The following KCNH3 variants were observed in gnomAD, a reference collection of about 807,000 sequenced individuals.
KCNH3 encodes the protein potassium voltage-gated channel subfamily H member 3.
In KCNH3, 36 loss-of-function variants were observed where a neutral mutation model predicts 95.6. The ratio of observed to expected loss-of-function variants is 0.38; its 90% CI spans 0.29 to 0.50. The LOEUF is 0.50. Ranked by LOEUF, KCNH3 falls within the 20% of genes least tolerant of loss-of-function variation. KCNH3 has a pLI of 0.95. For synonymous variants in KCNH3, 620 were observed against 646.3 expected (o/e 0.96, Z 0.62); for missense variants, 1,030 against 1,484.1 (o/e 0.69, Z 5.03).
rs1223735744 is a variant in KCNH3, at chr12:49,558,288, AT to A, written c.*336del. On this transcript the variant is annotated 3_prime_UTR_variant, in exon 15 of 15. Coordinates refer to ENST00000257981, the MANE Select transcript of KCNH3 (RefSeq NM_012284.3). ...CAAATTTTTATATTAAAAAAAAAAA[AT>A]AAAATAAACTACTTTGGAACCTGGT... 1.3e-5 allele frequency: 5 copies of A among 393,312 alleles called. No homozygotes were observed. Among genetic ancestry groups the A allele is most frequent in the African/African-American group, 4.1e-5 (2 of 48,446 alleles). 24.4% of individuals were successfully genotyped at this position (393,312 alleles called of 1,614,324 possible).
Position 49,549,046 on chromosome 12 carries a change from G to A in KCNH3, c.1341G>A (p.Ser447=), listed in dbSNP as rs1265473582. The A allele has an allele frequency of 1.2e-6, 2 of 1,612,218 alleles. No homozygotes were observed. Among genetic ancestry groups the A allele is most frequent in the East Asian group, 2.2e-5 (1 of 44,858 alleles). Residue 447 remains serine (S), a synonymous_variant, in exon 8 of 15, where the codon TCG becomes TCA. Coordinates refer to ENST00000257981, the MANE Select transcript of KCNH3 (RefSeq NM_012284.3). ...GTGLELLGGP[S]LRSAYITSLY... The stretch of plus-strand genomic sequence containing the variant: ...GGCTGGAGCTGCTGGGCGGCCCGTC[G>A]CTGCGCAGCGCCTACATCACCTCCC...
chr12:49,541,402 G>A (rs893868133), intron 2 of KCNH3, among the ~76,000 whole-genome samples: 7 of 152,172 alleles, frequency 4.6e-5, no homozygotes, highest in African/African-American at 1.7e-4. Flanking sequence ...CATTTCGGCA[G>A]GGCAGATCTA....
Position 49,542,691 on chromosome 12 carries a change from C to T in KCNH3, c.446-15C>T. The T allele has an allele frequency of 6.4e-7, 1 of 1,561,458 alleles. No homozygotes were observed. Among genetic ancestry groups the T allele is most frequent in the South Asian group, 1.2e-5 (1 of 84,616 alleles). On this transcript the variant is annotated splice_polypyrimidine_tract_variant and intron_variant, in intron 3 of 14. Transcript: ENST00000257981. The stretch of plus-strand genomic sequence containing the variant: ...CACACACCCATCATCTTCATGGGCC[C>T]CTCTTCTTTCGCAGGTGGTGGCCGG...
intron 12 of KCNH3, 178 bp downstream of exon 12, chr12:49,556,129 C>T (rs1592512692): frequency 1.7e-6 from 1 of 595,714 alleles, no homozygotes. Flanking sequence ...TGTCCCACTC[C>T]ACTGTGTGGT....
chr12:49,556,817 T>A, intron 13 of KCNH3: 4 of 645,696 alleles, frequency 6.2e-6, no homozygotes, highest in South Asian at 6.0e-5. Context: ...AATCTCTGGC[T>A]AACTGAAGGG....
intron 11 of KCNH3, among the ~76,000 whole-genome samples, chr12:49,555,387 C>T (rs1189093187): frequency 2.7e-5 from 4 of 148,170 alleles, no homozygotes; most frequent in Non-Finnish European, 1.5e-5. Context: ...GTGGAGCTTG[C>T]AGCGAGCCGA....
At position 49,544,305 on chromosome 12, in the gene KCNH3, C is replaced by T; in HGVS notation, c.1112C>T (p.Ala371Val). The part of the protein sequence containing the change: ...TLLMAVFALL[A>V]HWVACVWFYI... Reference sequence around the variant, plus strand: ...CTCATGGCCGTGTTCGCCCTGCTCGCGCACTGGGTCGCCTGCGTCTGGTTT... The same window carrying T: ...CTCATGGCCGTGTTCGCCCTGCTCGTGCACTGGGTCGCCTGCGTCTGGTTT... The change falls in exon 7 of 15, where the codon GCG becomes GTG. Residue 371 changes from alanine to valine, a missense_variant. This residue lies in a region of KCNH3 where 153 missense variants were observed against 288.5 expected (regional missense o/e 0.53). Coordinates refer to ENST00000257981, the MANE Select transcript of KCNH3 (RefSeq NM_012284.3). 1 of 1,613,154 alleles carries T rather than the reference C, an allele frequency of 6.2e-7. No individual in the cohort carries two copies. The highest frequency in any genetic ancestry group is 8.5e-7 in the Non-Finnish European group (1 of 1,179,978).
At chr12:49,546,728 G>GT (rs1370536138) in intron 7 of KCNH3, among the ~76,000 whole-genome samples, 2 of 152,134 alleles carry the variant, frequency 1.3e-5, no homozygotes, top group African/African-American at 4.8e-5. Flanking sequence ...AGCTTCAGGG[G>GT]TTGCTGATGC....
Position 49,558,047 on chromosome 12 carries a change from A to C in KCNH3, c.*94A>C. 7.4e-7 allele frequency: 1 copy of C among 1,354,058 alleles called. No homozygotes were observed. The highest frequency in any genetic ancestry group is 2.6e-5 in the Admixed American group (1 of 37,816). The allele number at this position is 1,354,058 out of a possible 1,614,324, so 83.9% of individuals were successfully genotyped here. A position where few individuals can be genotyped will look rare whatever the true frequency, so the allele number is the denominator to read the frequency against. On this transcript the variant is annotated 3_prime_UTR_variant, in exon 15 of 15. Coordinates refer to ENST00000257981, the MANE Select transcript of KCNH3 (RefSeq NM_012284.3). ...AGGCAGGGTGGCAGCCTCCCCACGG[A>C]CTCCATGCGGCCCGCTGGCTCAGGG...
Position 49,539,106 on chromosome 12 carries a change from C to A in KCNH3, c.-311C>A, listed in dbSNP as rs1937776093. 6.6e-6 allele frequency: 1 copy of A among 152,490 alleles called. No individual in the cohort carries two copies. Among genetic ancestry groups the A allele is most frequent in the African/African-American group, 2.4e-5 (1 of 41,422 alleles). 9.4% of individuals were successfully genotyped at this position (152,490 alleles called of 1,614,324 possible). On this transcript the variant is annotated 5_prime_UTR_variant, in exon 1 of 15. Coordinates refer to ENST00000257981, the MANE Select transcript of KCNH3 (RefSeq NM_012284.3). This position sits in a 1 kb window ranked among gnomAD's most constrained non-coding sequence, Gnocchi z 6.7. Reference sequence around the variant, plus strand: ...GAGCGAAGCCGAGCGGAAGCCCACCCGCAGCCGACACGCGAGCCGCTGCCG... The same window carrying A: ...GAGCGAAGCCGAGCGGAAGCCCACCAGCAGCCGACACGCGAGCCGCTGCCG...
At position 49,543,462 on chromosome 12, in the gene KCNH3, C is replaced by T. The variant is rs1240554219; in HGVS notation, c.767C>T (p.Ala256Val). The T allele has an allele frequency of 1.9e-6, 3 of 1,602,132 alleles. No individual in the cohort carries two copies. The highest frequency in any genetic ancestry group is 2.7e-5 in the African/African-American group (2 of 74,926). ...GTGAGCACAGCACGGGAGCCCAGTGCCGCCCGCGGCCCGCCCAGCGTCTGT... is the reference window on the plus strand; with the variant it reads ...GTGAGCACAGCACGGGAGCCCAGTGTCGCCCGCGGCCCGCCCAGCGTCTGT... ...VCVSTAREPS[A>V]ARGPPSVCDL... Residue 256 changes from alanine (A) to valine (V), a missense_variant, in exon 5 of 15, where the codon GCC (alanine) becomes GTC (valine). Ala to Val is a moderately conservative substitution (Grantham distance 64). Coordinates refer to ENST00000257981, the MANE Select transcript of KCNH3 (RefSeq NM_012284.3).
At chr12:49,547,606 C>A (rs1938103269) in intron 7 of KCNH3, among the ~76,000 whole-genome samples, 1 of 152,220 alleles carries the variant, frequency 6.6e-6, no homozygotes, top group South Asian at 2.1e-4. Context: ...TCAGGGAGCT[C>A]CTGTGGGGCC....
chr12:49,557,266 G>A lies in KCNH3; in HGVS notation c.2652+7G>A, dbSNP rs1938498113. ...GGACAAGCTTCGGCAGGCGGTGGGT[G>A]AGGGGGAAGGTGGAGGTGAGGGGGG... On this transcript the variant is annotated splice_region_variant and intron_variant, in intron 14 of 14. Coordinates refer to ENST00000257981, the MANE Select transcript of KCNH3 (RefSeq NM_012284.3). The A allele has an allele frequency of 6.2e-7, 1 of 1,613,966 alleles. No homozygotes were observed.
intron 1 of KCNH3, among the ~76,000 whole-genome samples, chr12:49,540,232 C>T (rs1036292397): frequency 1.3e-5 from 2 of 152,194 alleles, no homozygotes; most frequent in African/African-American, 4.8e-5. Flanking sequence ...CCCAGCCCTG[C>T]GCTCTCCCCA....
intron 7 of KCNH3, among the ~76,000 whole-genome samples, chr12:49,546,847 C>T (rs17197593): frequency 0.016 from 2,387 of 152,306 alleles, 23 homozygotes; most frequent in Middle Eastern, 0.061. Context: ...GTAGCTTCAC[C>T]CTCAGAGGCC....
In KCNH3 at chr12:49,557,520, T is replaced by G. The variant is rs1297761075; in HGVS notation, c.2819T>G (p.Val940Gly). The change falls in exon 15 of 15, where the codon GTG (valine) becomes GGG (glycine). Residue 940 changes from valine to glycine, a missense_variant. Val to Gly is a moderately radical substitution (Grantham distance 109). Around this residue, in one of 9 missense-constraint regions of KCNH3, gnomAD observed 464 missense variants for 493.2 expected, o/e 0.94. Transcript: ENST00000257981. ...STSGLLQPLC[V>G]DTGASSYCLQ... ...TCCGGGCTTCTGCAGCCTCTGTGTG[T>G]GGACACTGGGGCATCCTCCTACTGC... 12 of 1,611,708 alleles carry G rather than the reference T, an allele frequency of 7.4e-6. No individual in the cohort carries two copies. Among genetic ancestry groups the G allele is most frequent in the Admixed American group, 1.7e-5 (1 of 60,012 alleles).
At chr12:49,543,658 C>A in intron 5 of KCNH3, 140 bp downstream of exon 5, 1 of 1,247,792 alleles carries the variant, frequency 8.0e-7, no homozygotes, top group Non-Finnish European at 1.1e-6. Context: ...TGAAATCAGA[C>A]CTAGGTTCCA....
chr12:49,555,379 G>A (rs1366345799), intron 11 of KCNH3, among the ~76,000 whole-genome samples: 1 of 148,664 alleles, frequency 6.7e-6, no homozygotes, highest in Non-Finnish European at 1.5e-5. Flanking sequence ...CCCGGGAGGT[G>A]GAGCTTGCAG....
intron 7 of KCNH3, 86 bp downstream of exon 7, chr12:49,544,468 CCCTA>C: frequency 7.4e-7 from 1 of 1,343,414 alleles, no homozygotes; most frequent in Non-Finnish European, 1.0e-6. Context: ...TGTGTGGTGT[CCCTA>C]CCTGTGCAAG....
Sources: allele counts gnomAD v4.1 joint callset (sites outside exome capture counted in the v4.1 genomes callset), GRCh38; gene constraint gnomAD v4.1.1; regional missense constraint gnomAD v4.1.1; non-coding constraint Gnocchi (gnomAD v3.1); transcripts MANE v1.5; gene names NCBI Gene and HGNC (gene_info 2026-07-23, HGNC 2026-07-21).